The following RBFOX1 variants were observed in gnomAD, a reference collection of about 807,000 sequenced individuals.
The protein encoded by RBFOX1 is RNA binding protein fox-1 homolog 1.
RBFOX1 carries 8 observed loss-of-function variants against 57.7 expected under a neutral mutation model. The observed-to-expected ratio is 0.14, with a 90% CI of 0.08 to 0.25. The LOEUF (loss-of-function observed/expected upper bound fraction) is 0.25. RBFOX1 is among the 10% of genes least tolerant of loss of function. The pLI is 1.00. For missense variants in RBFOX1, 611 were observed against 548.5 expected, an observed-to-expected ratio of 1.11 and a Z score of -1.14; for synonymous variants, 326 against 222.4, an observed-to-expected ratio of 1.47 and a Z score of -4.15.
At chr16:7,228,521 A>G (rs1245371468) in intron 4 of RBFOX1, among the ~76,000 whole-genome samples, 2 of 152,208 alleles carry the variant, frequency 1.3e-5, no homozygotes, top group African/African-American at 4.8e-5. Flanking sequence ...GGTTAATAGC[A>G]ATGAAATTTT....
chr16:5,944,813 G>C (rs2059362594), intron 4 of RBFOX1, among the ~76,000 whole-genome samples: 1 of 46,258 alleles, frequency 2.2e-5, no homozygotes, highest in South Asian at 6.6e-4. Flanking sequence ...AAAAAAATTA[G>C]CTGGGTGTGG....
intron 12 of RBFOX1, among the ~76,000 whole-genome samples, chr16:7,654,402 G>A (rs950043701): frequency 4.6e-5 from 7 of 152,098 alleles, no homozygotes; most frequent in African/African-American, 7.2e-5. Flanking sequence ...CAAGGGTCAC[G>A]AACCTTTGCC....
intron 1 of RBFOX1, among the ~76,000 whole-genome samples, chr16:6,181,068 C>T (rs1019135041): frequency 1.3e-5 from 2 of 152,182 alleles, no homozygotes; most frequent in African/African-American, 4.8e-5. Context: ...TTAGACTCTA[C>T]TGGTTCCTTT....
chr16:6,787,159 A>G (rs965397610), intron 3 of RBFOX1, among the ~76,000 whole-genome samples: 2 of 152,184 alleles, frequency 1.3e-5, no homozygotes, highest in East Asian at 1.9e-4. Context: ...TTGATGAAAC[A>G]TTTATCAGAT....
At chr16:6,092,378 C>G (rs149668834) in intron 1 of RBFOX1, 1 of 152,160 alleles carries the variant, frequency 6.6e-6, no homozygotes, top group Non-Finnish European at 1.5e-5. Flanking sequence ...CCCTGGCAAG[C>G]GAACTGTTAA....
At chr16:6,820,085 C>T (rs778534854) in intron 3 of RBFOX1, among the ~76,000 whole-genome samples, 4 of 152,058 alleles carry the variant, frequency 2.6e-5, no homozygotes, top group Admixed American at 6.5e-5. Context: ...CTTTCCTTTT[C>T]TCATAATAGT....
At chr16:6,280,911 C>T (rs923480380) in intron 1 of RBFOX1, among the ~76,000 whole-genome samples, 2 of 149,412 alleles carry the variant, frequency 1.3e-5, no homozygotes, top group Non-Finnish European at 3.0e-5. Context: ...CTCAGTCTAA[C>T]ATCTCCAAAG....
chr16:6,566,368 G>T (rs114914201), intron 2 of RBFOX1, among the ~76,000 whole-genome samples: 2,092 of 152,166 alleles, frequency 0.014, 50 homozygotes, highest in African/African-American at 0.045. Flanking sequence ...TTATAGTATT[G>T]TCATTCTAAA....
At chr16:7,132,631 A>G (rs762560712) in intron 4 of RBFOX1, among the ~76,000 whole-genome samples, 1 of 152,084 alleles carries the variant, frequency 6.6e-6, no homozygotes, top group African/African-American at 2.4e-5. Context: ...CACACACACA[A>G]TGGAATAGTA....
chr16:7,589,138 C>G (rs1212277363), intron 7 of RBFOX1, among the ~76,000 whole-genome samples: 1 of 152,202 alleles, frequency 6.6e-6, no homozygotes, highest in Non-Finnish European at 1.5e-5. Flanking sequence ...TTCACTCGAG[C>G]CTTCTGTATT....
At chr16:7,035,031 A>G (rs148787606) in intron 3 of RBFOX1, among the ~76,000 whole-genome samples, 2 of 150,356 alleles carry the variant, frequency 1.3e-5, no homozygotes, top group African/African-American at 4.9e-5. Flanking sequence ...TATTTTTATT[A>G]GAGACAGGGT....
intron 4 of RBFOX1, among the ~76,000 whole-genome samples, chr16:5,960,409 C>A (rs1007336281): frequency 6.6e-6 from 1 of 152,134 alleles, no homozygotes; most frequent in Non-Finnish European, 1.5e-5. Context: ...CCACCAGCCC[C>A]ATGCCCCTCC....
chr16:6,005,254 A>G (rs1170019464), intron 4 of RBFOX1, among the ~76,000 whole-genome samples: 7 of 152,234 alleles, frequency 4.6e-5, no homozygotes, highest in Admixed American at 4.6e-4. Context: ...TTTCTAATAC[A>G]ATAGCCATTT....
At chr16:6,108,505 A>T (rs1397883039) in intron 1 of RBFOX1, among the ~76,000 whole-genome samples, 1 of 152,166 alleles carries the variant, frequency 6.6e-6, no homozygotes, top group African/African-American at 2.4e-5. Flanking sequence ...CATTATCATC[A>T]TTTCCTTTAT....
chr16:6,121,646 C>T (rs569936967), intron 1 of RBFOX1, among the ~76,000 whole-genome samples: 1 of 152,246 alleles, frequency 6.6e-6, no homozygotes, highest in South Asian at 2.1e-4. Flanking sequence ...GACATCTGTT[C>T]CTCTGGGAGC....
At chr16:5,252,835 A>C (rs1416057761) in intron 1 of RBFOX1, among the ~76,000 whole-genome samples, 1 of 151,508 alleles carries the variant, frequency 6.6e-6, no homozygotes, top group Non-Finnish European at 1.5e-5. Flanking sequence ...CATCCCCACC[A>C]CCTCCCCCTT....
At chr16:6,569,305 C>G (rs545076816) in intron 2 of RBFOX1, among the ~76,000 whole-genome samples, 1 of 152,194 alleles carries the variant, frequency 6.6e-6, no homozygotes, top group Non-Finnish European at 1.5e-5. Context: ...GTTTTCATCT[C>G]ATTGCTGTAG....
chr16:5,933,217 G>C (rs944626222), intron 4 of RBFOX1, among the ~76,000 whole-genome samples: 1 of 152,210 alleles, frequency 6.6e-6, no homozygotes, highest in Non-Finnish European at 1.5e-5. Flanking sequence ...ATGGCGCCAG[G>C]AGCTTCATTA....
intron 3 of RBFOX1, among the ~76,000 whole-genome samples, chr16:6,936,249 A>T (rs1374743744): frequency 1.3e-5 from 2 of 152,240 alleles, no homozygotes; most frequent in African/African-American, 4.8e-5. Context: ...GATGCTGGAT[A>T]TTAAGCCTAA....
Sources: gnomAD v4.1 joint callset for allele counts (sites outside exome capture counted in the v4.1 genomes callset) on GRCh38, gnomAD v4.1.1 for gene constraint, MANE v1.5 for transcripts, NCBI Gene and HGNC (gene_info 2026-07-23, HGNC 2026-07-21) for gene names.